The following ARHGAP35 variants were observed in gnomAD, a reference collection of about 807,000 sequenced individuals.
ARHGAP35 encodes the protein Rho GTPase activating protein 35, also known as rho GTPase-activating protein 35.
In ARHGAP35, 15 loss-of-function variants were observed where a neutral mutation model predicts 111.1. The ratio of observed to expected loss-of-function variants is 0.13; its 90% CI spans 0.09 to 0.21. The LOEUF (loss-of-function observed/expected upper bound fraction) is 0.21, where lower values mean the gene tolerates loss of function less well. ARHGAP35 is among the 10% of genes least tolerant of loss of function. The probability of loss-of-function intolerance (pLI) is 1.00; values close to 1 mark genes in which losing one functional copy is unlikely to be tolerated. For synonymous variants in ARHGAP35, 643 were observed against 710.3 expected (o/e 0.91, Z 1.51); for missense variants, 1,262 against 1,873.0 (o/e 0.67, Z 6.02).
rs1450702709 is a variant in ARHGAP35 at position 46,967,926 on chromosome 19, G to A, written c.3827-20063G>A. Among the ~76,000 whole-genome samples the A allele has an allele frequency of 8.6e-5, 13 of 151,944 alleles. 1 individual carries two copies. Among genetic ancestry groups the A allele is most frequent in the Non-Finnish European group, 1.9e-4 (13 of 68,032 alleles). On this transcript the variant is annotated intron_variant, in intron 3 of 6. Coordinates refer to ENST00000672722, the MANE Select transcript of ARHGAP35 (RefSeq NM_004491.5). ...AGTCCTTCTCTGACCTGCTCTGTGA[G>A]CCAGGGCTCCCTGCCATGTCTGTCA... is the stretch of plus-strand genomic sequence containing the variant.
chr19:46,884,477 A>C (rs1157968583), intron 1 of ARHGAP35, among the ~76,000 whole-genome samples: 2 of 151,840 alleles, frequency 1.3e-5, no homozygotes, highest in East Asian at 1.9e-4. Context: ...CTCATCTATA[A>C]AATAATGATG....
intron 1 of ARHGAP35, among the ~76,000 whole-genome samples, chr19:46,889,427 C>G (rs2056012984): frequency 6.6e-6 from 1 of 152,136 alleles, no homozygotes; most frequent in East Asian, 1.9e-4. Context: ...CCACTGCACT[C>G]CAGCCTGGGT....
chr19:46,941,242 T>G (rs1190035649), intron 3 of ARHGAP35, among the ~76,000 whole-genome samples: 1 of 152,150 alleles, frequency 6.6e-6, no homozygotes, highest in Non-Finnish European at 1.5e-5. Flanking sequence ...CCCATTCCTT[T>G]TTGCCTGTGG....
In ARHGAP35 at chr19:46,921,459, G is replaced by A. The variant is rs774982626; in HGVS notation, c.2784G>A (p.Gln928=). The change falls in exon 2 of 7, where the codon CAG becomes CAA. Residue 928 remains glutamine, a synonymous_variant. Transcript: ENST00000672722. The surrounding 1 kb of genome is among the most constrained non-coding windows in gnomAD (Gnocchi z 4.3). ...RFTSIPCSQP[Q]HKLEIFHPFF... ...CAAGCATCCCCTGTAGCCAACCCCA[G>A]CATAAACTTGAGATCTTTCACCCAT... The A allele has an allele frequency of 6.8e-6, 11 of 1,613,764 alleles. No individual in the cohort carries two copies. The highest frequency in any genetic ancestry group is 8.5e-6 in the Non-Finnish European group (10 of 1,179,856).
At chr19:46,869,944 T>C (rs1039839749) in intron 1 of ARHGAP35, among the ~76,000 whole-genome samples, 3 of 42,116 alleles carry the variant, frequency 7.1e-5, no homozygotes, top group African/African-American at 4.0e-4. Flanking sequence ...CACTGTGTAC[T>C]TTTTTTTTTT....
chr19:46,935,906 ATCATG>A (rs2056304814), intron 2 of ARHGAP35, among the ~76,000 whole-genome samples: 1 of 152,206 alleles, frequency 6.6e-6, no homozygotes, highest in Non-Finnish European at 1.5e-5. Context: ...CTCAGTATTA[ATCATG>A]TTAATGAGCA....
At chr19:46,939,602 G>A (rs1473106920) in intron 3 of ARHGAP35, among the ~76,000 whole-genome samples, 1 of 151,124 alleles carries the variant, frequency 6.6e-6, no homozygotes, top group East Asian at 2.0e-4. Flanking sequence ...TAGTAGAGAT[G>A]GAGTTTCACC....
At position 46,999,186 on chromosome 19, in the gene ARHGAP35, G is replaced by T. The variant is rs770413120; in HGVS notation, c.4037-118G>T. The T allele has an allele frequency of 2.9e-6, 2 of 678,000 alleles. No individual in the cohort carries two copies. Among genetic ancestry groups the T allele is most frequent in the Non-Finnish European group, 5.2e-6 (2 of 387,066 alleles). 42.0% of individuals were successfully genotyped at this position (678,000 alleles called of 1,614,324 possible). On this transcript the variant is annotated intron_variant, in intron 5 of 6. Coordinates refer to ENST00000672722, the MANE Select transcript of ARHGAP35 (RefSeq NM_004491.5). The surrounding 1 kb of genome is among the most constrained non-coding windows in gnomAD (Gnocchi z 5.4). The stretch of plus-strand genomic sequence containing the variant: ...CACAGGCTTTGGGGGAAAGAGTGGG[G>T]TTAGTGTCATCCAAAAGCCCTGGGC...
At chr19:46,897,345 A>AT (rs2056062828) in intron 1 of ARHGAP35, among the ~76,000 whole-genome samples, 1 of 151,866 alleles carries the variant, frequency 6.6e-6, no homozygotes, top group Non-Finnish European at 1.5e-5. Flanking sequence ...TTCATGAGGC[A>AT]TTTTTTGTTA....
chr19:46,983,878 G>A (rs1237045201), intron 3 of ARHGAP35, among the ~76,000 whole-genome samples: 6 of 152,106 alleles, frequency 3.9e-5, no homozygotes, highest in African/African-American at 7.2e-5. Flanking sequence ...GCCTCCCAAA[G>A]TGCGGGGATT....
chr19:46,876,006 A>G (rs1028481832), intron 1 of ARHGAP35, among the ~76,000 whole-genome samples: 1 of 152,090 alleles, frequency 6.6e-6, no homozygotes, highest in African/African-American at 2.4e-5. Flanking sequence ...CACATGGCCT[A>G]GGTTTGAGTC....
At chr19:46,924,719 C>T (rs945127346) in intron 2 of ARHGAP35, among the ~76,000 whole-genome samples, 2 of 152,224 alleles carry the variant, frequency 1.3e-5, no homozygotes, top group Admixed American at 1.3e-4. Flanking sequence ...TTCTCTTCCT[C>T]CTCCTCTCCC....
At position 47,000,269 on chromosome 19, in the gene ARHGAP35, AGCGCCCAGG is replaced by A; in HGVS notation, c.4143-59_4143-51del. The A allele has an allele frequency of 6.5e-7, 1 of 1,542,448 alleles. No homozygotes were observed. The highest frequency in any genetic ancestry group is 8.8e-7 in the Non-Finnish European group (1 of 1,135,866). ...CTCAGCCTGGGTGCTGAAGACCATG[AGCGCCCAGG>A]GCCAGGTGGGGCCCTGCACAGTTCT... On this transcript the variant is annotated intron_variant, in intron 6 of 6. Coordinates refer to ENST00000672722, the MANE Select transcript of ARHGAP35 (RefSeq NM_004491.5). This position sits in a 1 kb window ranked among gnomAD's most constrained non-coding sequence, Gnocchi z 6.9.
intron 1 of ARHGAP35, among the ~76,000 whole-genome samples, chr19:46,863,247 C>T (rs2055838520): frequency 1.3e-5 from 2 of 152,176 alleles, no homozygotes; most frequent in South Asian, 4.1e-4. Context: ...CTTAGGCTCT[C>T]CAGGCTCTGA....
Position 46,989,315 on chromosome 19 carries a change from T to G in ARHGAP35, c.3905-229T>G. 1 of 451,406 alleles carries G rather than the reference T, an allele frequency of 2.2e-6. No homozygotes were observed. Among genetic ancestry groups the G allele is most frequent in the Non-Finnish European group, 4.0e-6 (1 of 249,820 alleles). The allele number at this position is 451,406 out of a possible 1,614,324, so 28.0% of individuals were successfully genotyped here. On this transcript the variant is annotated intron_variant, in intron 4 of 6. Transcript: ENST00000672722. The surrounding 1 kb of genome is among the most constrained non-coding windows in gnomAD (Gnocchi z 5.3). ...GGGGGTAGCACCCCTGCCCCGAGAGTGGTAGAAGGGGCAGTTCAGCAGTCT... is the reference window on the plus strand; with the variant it reads ...GGGGGTAGCACCCCTGCCCCGAGAGGGGTAGAAGGGGCAGTTCAGCAGTCT...
intron 3 of ARHGAP35, among the ~76,000 whole-genome samples, chr19:46,955,003 C>G (rs1461121673): frequency 6.6e-6 from 1 of 152,166 alleles, no homozygotes; most frequent in Non-Finnish European, 1.5e-5. Flanking sequence ...GTGAAGGACC[C>G]TGAATCTGGG....
rs2056670001 is a variant in ARHGAP35 at position 46,989,746 on chromosome 19, C to G, written c.4036+71C>G. On this transcript the variant is annotated intron_variant, in intron 5 of 6. Transcript: ENST00000672722. The surrounding 1 kb of genome is among the most constrained non-coding windows in gnomAD (Gnocchi z 5.3). ...CTTGGCACTGGAAGAATAGGTCCTGCCCTCAGAATGGATGCTGGCTGTTAG... is the reference window on the plus strand; with the variant it reads ...CTTGGCACTGGAAGAATAGGTCCTGGCCTCAGAATGGATGCTGGCTGTTAG... 1 of 1,596,202 alleles carries G rather than the reference C, an allele frequency of 6.3e-7. No homozygotes were observed. Among genetic ancestry groups the G allele is most frequent in the Non-Finnish European group, 8.5e-7 (1 of 1,170,340 alleles).
intron 1 of ARHGAP35, among the ~76,000 whole-genome samples, chr19:46,895,451 C>T (rs1476259522): frequency 1.3e-5 from 2 of 152,142 alleles, no homozygotes; most frequent in Non-Finnish European, 2.9e-5. Context: ...AGGCGTGAGC[C>T]ACCGCGCCCA....
intron 3 of ARHGAP35, among the ~76,000 whole-genome samples, chr19:46,984,947 G>A (rs1490939007): frequency 6.6e-6 from 1 of 152,204 alleles, no homozygotes; most frequent in Non-Finnish European, 1.5e-5. Flanking sequence ...GGCTGGCCAG[G>A]TCTTCTGCAG....
Sources: gnomAD v4.1 joint callset for allele counts (sites outside exome capture counted in the v4.1 genomes callset) on GRCh38, gnomAD v4.1.1 for gene constraint, Gnocchi (gnomAD v3.1) non-coding constraint, MANE v1.5 for transcripts, NCBI Gene and HGNC (gene_info 2026-07-23, HGNC 2026-07-21) for gene names.